IRAK2: variants seen among roughly 807,000 people sequenced by gnomAD.
IRAK2 encodes interleukin 1 receptor associated kinase 2.
In IRAK2, 57 loss-of-function variants were observed where a neutral mutation model predicts 72.0. That is an observed-to-expected ratio of 0.79 (90% CI 0.64 to 0.99). The LOEUF is 0.99. Ranked by LOEUF, IRAK2 falls within the 50% of genes least tolerant of loss-of-function variation. IRAK2 has a pLI of 0.00. For missense variants in IRAK2, 790 were observed against 794.4 expected (o/e 0.99, Z 0.07); for synonymous variants, 293 against 312.7 (o/e 0.94, Z 0.67).
intron 12 of IRAK2, among the ~76,000 whole-genome samples, chr3:10,241,759 G>C (rs1368107634): frequency 3.6e-5 from 5 of 137,368 alleles, no homozygotes; most frequent in African/African-American, 8.3e-5. Context: ...AAAATTAACT[G>C]TGTGTGTCGT....
At position 10,238,728 on chromosome 3, in the gene IRAK2, TTC is replaced by T. The variant is rs1452671034; in HGVS notation, c.1474-12_1474-11del. 1.2e-6 allele frequency: 2 copies of T among 1,609,034 alleles called. No homozygotes were observed. On this transcript the variant is annotated intron_variant, in intron 11 of 12. Coordinates refer to ENST00000256458, the MANE Select transcript of IRAK2 (RefSeq NM_001570.4). Reference sequence around the variant, plus strand: ...CAGAGAGAATTCCTGATGAGCTCCCTTCTCTCTCTTCTCCCAAAGGTGTGTGG... The same window carrying T: ...CAGAGAGAATTCCTGATGAGCTCCCTTCTCTCTTCTCCCAAAGGTGTGTGG...
intron 1 of IRAK2, among the ~76,000 whole-genome samples, chr3:10,168,034 C>G (rs11928825): frequency 6.6e-6 from 1 of 151,736 alleles, no homozygotes; most frequent in South Asian, 2.1e-4. Flanking sequence ...GGAGCTCAAG[C>G]GATCTGCCCA....
At chr3:10,184,903 AT>A (rs370395880) in intron 2 of IRAK2, among the ~76,000 whole-genome samples, 1 of 123,526 alleles carries the variant, frequency 8.1e-6, no homozygotes, top group Non-Finnish European at 1.5e-5. Context: ...CTATTTTTTT[AT>A]TTTTTTTTAT....
chr3:10,216,360 G>A (rs1036090477), intron 6 of IRAK2, among the ~76,000 whole-genome samples: 4 of 152,154 alleles, frequency 2.6e-5, no homozygotes, highest in Non-Finnish European at 4.4e-5. Flanking sequence ...TGGAGCTTAG[G>A]ATGGGGCTGG....
At chr3:10,222,298 C>G (rs1312337887) in intron 8 of IRAK2, among the ~76,000 whole-genome samples, 1 of 152,156 alleles carries the variant, frequency 6.6e-6, no homozygotes, top group Admixed American at 6.5e-5. Flanking sequence ...GGGGTTGGAA[C>G]AGTTGTGGAA....
At chr3:10,196,303 C>T (rs1051745336) in intron 2 of IRAK2, among the ~76,000 whole-genome samples, 9 of 152,282 alleles carry the variant, frequency 5.9e-5, no homozygotes, top group South Asian at 2.1e-4. Context: ...TTAGTAGAGA[C>T]GGGGTTTCGC....
chr3:10,224,245 G>C (rs770649140), intron 9 of IRAK2, among the ~76,000 whole-genome samples: 6 of 151,744 alleles, frequency 4.0e-5, no homozygotes, highest in Non-Finnish European at 8.8e-5. Context: ...GCTGAGTCAG[G>C]AGAATCACTT....
At chr3:10,202,888 T>C (rs1012619254) in intron 3 of IRAK2, among the ~76,000 whole-genome samples, 1 of 151,948 alleles carries the variant, frequency 6.6e-6, no homozygotes, top group Non-Finnish European at 1.5e-5. Context: ...TGGGATCTCA[T>C]TATGTTGCCC....
intron 1 of IRAK2, among the ~76,000 whole-genome samples, chr3:10,167,333 C>A (rs1696709442): frequency 1.3e-5 from 2 of 152,236 alleles, no homozygotes; most frequent in South Asian, 4.1e-4. Flanking sequence ...TAAATGGAAT[C>A]ATATAATATA....
chr3:10,193,445 A>AAAAAAC lies in IRAK2; in HGVS notation c.278-6901_278-6896dup, dbSNP rs368764231. On this transcript the variant is annotated intron_variant, in intron 2 of 12. Transcript: ENST00000256458. ...ATGGCAAAACCCTGTCTCTACCAAA[A>AAAAAAC]AAAAACAAAAACAAAAACAAAAACA... Among the ~76,000 whole-genome samples, 101 of 151,718 alleles carry AAAAAAC rather than the reference A, an allele frequency of 6.7e-4. 1 individual carries two copies. In the South Asian group the frequency reaches 8.4e-3, roughly 13 times the overall value.
At chr3:10,200,157 G>T (rs1295232914) in intron 2 of IRAK2, among the ~76,000 whole-genome samples, 2 of 152,060 alleles carry the variant, frequency 1.3e-5, no homozygotes, top group Admixed American at 6.6e-5. Flanking sequence ...CAAAGTGCTG[G>T]GATTACAGGT....
chr3:10,228,763 G>C (rs1225460761), intron 10 of IRAK2, among the ~76,000 whole-genome samples: 1 of 152,124 alleles, frequency 6.6e-6, no homozygotes, highest in Non-Finnish European at 1.5e-5. Flanking sequence ...GAGGAAGCAG[G>C]CCTCCTCCAG....
intron 10 of IRAK2, among the ~76,000 whole-genome samples, chr3:10,227,045 T>C (rs1231085920): frequency 6.6e-6 from 1 of 152,130 alleles, no homozygotes; most frequent in Non-Finnish European, 1.5e-5. Flanking sequence ...TTAGGGATTT[T>C]CCTCAAATTG....
At position 10,222,783 on chromosome 3, in the gene IRAK2, C is replaced by T. The variant is rs1418795653; in HGVS notation, c.1161C>T (p.Ile387=). 1.2e-6 allele frequency: 2 copies of T among 1,614,068 alleles called. No homozygotes were observed. Residue 387 remains isoleucine, a synonymous_variant, in exon 9 of 13, where the codon ATC becomes ATT. Coordinates refer to ENST00000256458, the MANE Select transcript of IRAK2 (RefSeq NM_001570.4). ...TSAAYLPEDF[I]RVGQLTKRVD... is the part of the protein sequence containing the mutation. ...CCGCGTATCTGCCAGAGGATTTCAT[C>T]CGGGTGGGGCAGCTGACAAAGCGAG...
At chr3:10,241,911 T>A (rs1011701212) in intron 12 of IRAK2, among the ~76,000 whole-genome samples, 1 of 147,904 alleles carries the variant, frequency 6.8e-6, no homozygotes, top group Non-Finnish European at 1.5e-5. Flanking sequence ...AGGTCAAGGT[T>A]GCCTTGAGCT....
rs372092913 is a variant in IRAK2 at position 10,222,840 on chromosome 3, G to A, written c.1209+9G>A. The A allele has an allele frequency of 6.2e-7, 1 of 1,613,108 alleles. No homozygotes were observed. Among genetic ancestry groups the A allele is most frequent in the South Asian group, 1.1e-5 (1 of 91,058 alleles). On this transcript the variant is annotated intron_variant, in intron 9 of 12. Coordinates refer to ENST00000256458, the MANE Select transcript of IRAK2 (RefSeq NM_001570.4). ...TCTTCAGCTGTGGAATAGTAAGAGT[G>A]TCCTGCTCTGCGTAGAGTGGGGCCC...
rs760976628 is a variant in IRAK2 at position 10,209,690 on chromosome 3, AAG to A, written c.527_528del (p.Lys176ArgfsTer8). On this transcript the variant is annotated frameshift_variant and splice_region_variant, in exon 4 of 13. Transcript: ENST00000256458. LOFTEE classifies it high-confidence loss of function. ...RSDLPTSSDS[K>X]DFSTSIPKQE... ...CGACCTCCCCACTTCGTCTGATTCA[AAG>A]GTAAATCCACCCCTCGGCTGCAGCC... The A allele has an allele frequency of 6.7e-6, 10 of 1,498,906 alleles. No individual in the cohort carries two copies. In the East Asian group the frequency reaches 2.6e-4, roughly 39 times the overall value. The allele number at this position is 1,498,906 out of a possible 1,614,324, so 92.9% of individuals were successfully genotyped here. A position where few individuals can be genotyped will look rare whatever the true frequency, so the allele number is the denominator to read the frequency against.
intron 11 of IRAK2, among the ~76,000 whole-genome samples, chr3:10,236,165 C>G (rs1575992071): frequency 6.6e-6 from 1 of 151,984 alleles, no homozygotes; most frequent in African/African-American, 2.4e-5. Flanking sequence ...AAGGAACACC[C>G]TGCAAATGGC....
chr3:10,176,295 A>G lies in IRAK2; in HGVS notation c.95-1543A>G, dbSNP rs575725795. The stretch of plus-strand genomic sequence containing the variant: ...GTTTTCATTCAGTCATTCACTTAGC[A>G]TATCTTTTTTGTTGTTGTTTTTGGA... On this transcript the variant is annotated intron_variant, in intron 1 of 12. Transcript: ENST00000256458. 5.9e-4 allele frequency among the ~76,000 whole-genome samples: 90 copies of G among 151,956 alleles called. No homozygotes were observed. The South Asian group carries it at 0.019, about 31-fold the overall frequency.
Sources: allele counts gnomAD v4.1 joint callset (sites outside exome capture counted in the v4.1 genomes callset), GRCh38; gene constraint gnomAD v4.1.1; transcripts MANE v1.5; gene names NCBI Gene and HGNC (gene_info 2026-07-23, HGNC 2026-07-21).